The following ITGAE variants were observed in gnomAD, a reference collection of about 807,000 sequenced individuals.
ITGAE encodes integrin alpha-E.
Under a neutral mutation model 136.5 loss-of-function variants are expected in ITGAE, and 99 were observed. That is an observed-to-expected ratio of 0.73 (90% CI 0.62 to 0.86). The LOEUF (loss-of-function observed/expected upper bound fraction) is 0.86. Ranked by LOEUF, ITGAE falls within the 40% of genes least tolerant of loss-of-function variation. ITGAE has a pLI of 0.00. For synonymous variants in ITGAE, 613 were observed against 591.8 expected (o/e 1.04, Z -0.52); for missense variants, 1,447 against 1,515.3 (o/e 0.95, Z 0.75).
chr17:3,773,282 G>C (rs991874341), intron 2 of ITGAE, among the ~76,000 whole-genome samples: 3 of 152,030 alleles, frequency 2.0e-5, no homozygotes, highest in Admixed American at 1.3e-4. Flanking sequence ...ACGAGGTCAG[G>C]AGTTCGAGAC....
rs770608051 is a variant in ITGAE, at chr17:3,761,087, C to T, written c.524G>A (p.Arg175Lys). The T allele has an allele frequency of 2.5e-6, 4 of 1,612,200 alleles. No homozygotes were observed. In the African/African-American group the frequency reaches 4.0e-5, roughly 16 times the overall value. The change falls in exon 6 of 31, where the codon AGG becomes AAG. Residue 175 changes from arginine (R) to lysine (K), a missense_variant. Physicochemically the swap from Arg to Lys is conservative, Grantham distance 26. Around this residue, in one of 3 missense-constraint regions of ITGAE, gnomAD observed 310 missense variants for 416.1 expected, o/e 0.74. Coordinates refer to ENST00000263087, the MANE Select transcript of ITGAE (RefSeq NM_002208.5). ...CTCCTTCTCCAGAGCCCGGCGCTGCCTGGCTGTGTTCACATCGTCTTCTCC... is the reference window on the plus strand; with the variant it reads ...CTCCTTCTCCAGAGCCCGGCGCTGCTTGGCTGTGTTCACATCGTCTTCTCC... ...GGGEDDVNTA[R>K]QRRALEKEEE...
At chr17:3,788,728 AAAT>A (rs1476582411) in intron 1 of ITGAE, among the ~76,000 whole-genome samples, 4 of 146,398 alleles carry the variant, frequency 2.7e-5, no homozygotes, top group Admixed American at 6.8e-5. Flanking sequence ...AATTATTTAA[AAAT>A]AATAATTATT....
At chr17:3,772,191 C>G (rs867346845) in intron 2 of ITGAE, among the ~76,000 whole-genome samples, 1 of 152,166 alleles carries the variant, frequency 6.6e-6, no homozygotes, top group Non-Finnish European at 1.5e-5. Flanking sequence ...CTAGTAGACG[C>G]TGATGAACAC....
At chr17:3,777,711 T>C in intron 1 of ITGAE, 51 bp from the exon 2 acceptor site, 1 of 1,558,294 alleles carries the variant, frequency 6.4e-7, no homozygotes, top group Middle Eastern at 1.7e-4. Context: ...ACTCCCGTTA[T>C]TCCAGCAAAT....
rs1054383539 is a variant in ITGAE, at chr17:3,798,472, C to T, written c.34+2639G>A. Among the ~76,000 whole-genome samples, 3 of 152,098 alleles carry T rather than the reference C, an allele frequency of 2.0e-5. No homozygotes were observed. Among genetic ancestry groups the T allele is most frequent in the South Asian group, 2.1e-4 (1 of 4,830 alleles). On this transcript the variant is annotated intron_variant, in intron 1 of 30. Coordinates refer to ENST00000263087, the MANE Select transcript of ITGAE (RefSeq NM_002208.5). The surrounding 1 kb of genome is among the most constrained non-coding windows in gnomAD (Gnocchi z 4.3). The stretch of plus-strand genomic sequence containing the variant: ...ACCCCAGGGCTTGGTCCCTCCTATC[C>T]CCCCTGCACAGAAGGCCCCTCTGCT...
intron 9 of ITGAE, 91 bp from the exon 10 acceptor site, chr17:3,757,225 C>A: frequency 7.1e-7 from 1 of 1,403,416 alleles, no homozygotes; most frequent in Non-Finnish European, 9.8e-7. Flanking sequence ...GCCTCTGGGG[C>A]CCTCCATTAC....
intron 2 of ITGAE, among the ~76,000 whole-genome samples, chr17:3,776,858 C>G (rs1308044806): frequency 6.6e-6 from 1 of 152,054 alleles, no homozygotes; most frequent in East Asian, 1.9e-4. Flanking sequence ...GGTGCCAGGC[C>G]CAGTTTTTTC....
chr17:3,761,338 CT>C, intron 5 of ITGAE, 64 bp downstream of exon 5: 1 of 1,548,434 alleles, frequency 6.5e-7, no homozygotes. Context: ...GAGCTGGTGC[CT>C]TTTCTTGGAG....
At chr17:3,791,473 G>A (rs1338657973) in intron 1 of ITGAE, among the ~76,000 whole-genome samples, 1 of 152,022 alleles carries the variant, frequency 6.6e-6, no homozygotes, top group Non-Finnish European at 1.5e-5. Flanking sequence ...AGTAGAGATG[G>A]GGTTTCGCCA....
intron 16 of ITGAE, among the ~76,000 whole-genome samples, chr17:3,749,099 A>ATG (rs1424252137): frequency 6.6e-6 from 1 of 151,798 alleles, no homozygotes; most frequent in Non-Finnish European, 1.5e-5. Context: ...AGACTTGTTG[A>ATG]TGTGGTGGAG....
rs2051426189 is a variant in ITGAE at position 3,734,829 on chromosome 17, C to T, written c.2643G>A (p.Lys881=). 6.2e-7 allele frequency: 1 copy of T among 1,614,052 alleles called. No homozygotes were observed. The highest frequency in any genetic ancestry group is 8.5e-7 in the Non-Finnish European group (1 of 1,180,036). The part of the protein sequence containing the change: ...ALNYPRNLQL[K]RMQKPPSPNI... The stretch of plus-strand genomic sequence containing the variant: ...CCGTCACAGTCACCTTTTGCATCCT[C>T]TTCAACTGCAGGTTTCTGGGGTAAT... Residue 881 remains lysine (K), a synonymous_variant, in exon 21 of 31, where the codon AAG becomes AAA. Transcript: ENST00000263087.
chr17:3,745,898 G>A lies in ITGAE; in HGVS notation c.2185C>T (p.Leu729=), dbSNP rs150218612. Residue 729 remains leucine (L), a synonymous_variant, in exon 18 of 31, where the codon CTG becomes TTG. Transcript: ENST00000263087. ...GLREALLNFT[L]DVDVGKQRRR... ...CTCTGCTTCCCCACATCCACATCCA[G>A]CGTGAAGTTGAGAAGTGCCTCGCGG... 3.1e-6 allele frequency: 5 copies of A among 1,613,928 alleles called. No homozygotes were observed. In the African/African-American group the frequency reaches 6.7e-5, roughly 22 times the overall value.
intron 30 of ITGAE, among the ~76,000 whole-genome samples, chr17:3,715,620 AGAT>A (rs755350120): frequency 6.6e-6 from 1 of 152,204 alleles, no homozygotes. Context: ...CGGGAGGCCA[AGAT>A]GAGAAGATGG....
chr17:3,754,414 G>T (rs941085217), intron 12 of ITGAE, among the ~76,000 whole-genome samples: 1 of 152,166 alleles, frequency 6.6e-6, no homozygotes, highest in South Asian at 2.1e-4. Flanking sequence ...TGGGACTACA[G>T]GCATCCGCCA....
At chr17:3,735,638 T>C (rs543010070) in intron 20 of ITGAE, among the ~76,000 whole-genome samples, 121 of 152,300 alleles carry the variant, frequency 7.9e-4, no homozygotes, top group African/African-American at 2.7e-3. Context: ...AGTAACTTCT[T>C]AGATAAGTTG....
At position 3,729,518 on chromosome 17, in the gene ITGAE, T is replaced by C. The variant is rs2051293208; in HGVS notation, c.2872A>G (p.Thr958Ala). The C allele has an allele frequency of 6.2e-7, 1 of 1,612,132 alleles. No homozygotes were observed. Among genetic ancestry groups the C allele is most frequent in the East Asian group, 2.2e-5 (1 of 44,872 alleles). Reference sequence around the variant, plus strand: ...ACGAAGCCATGCCTGAATTGAAGGGTGTGGGTCTCGTTGGCCAAAGACCGT... The same window carrying C: ...ACGAAGCCATGCCTGAATTGAAGGGCGTGGGTCTCGTTGGCCAAAGACCGT... ...ERRSLANETH[T>A]LQFRHGFVAV... The change falls in exon 24 of 31, where the codon ACC (threonine) becomes GCC (alanine). Residue 958 changes from threonine (T) to alanine (A), a missense_variant. Coordinates refer to ENST00000263087, the MANE Select transcript of ITGAE (RefSeq NM_002208.5).
chr17:3,715,107 C>A (rs985462685), intron 30 of ITGAE, among the ~76,000 whole-genome samples, 165 bp from the exon 31 acceptor site: 1 of 152,198 alleles, frequency 6.6e-6, no homozygotes, highest in African/African-American at 2.4e-5. Flanking sequence ...AGAGTCCAAT[C>A]CTTCAAGACC....
Position 3,755,189 on chromosome 17 carries a change from G to A in ITGAE, c.1312C>T (p.Arg438Cys). 6.4e-7 allele frequency: 1 copy of A among 1,572,052 alleles called. No homozygotes were observed. The highest frequency in any genetic ancestry group is 8.6e-7 in the Non-Finnish European group (1 of 1,163,928). Residue 438 changes from arginine (R) to cysteine (C), a missense_variant, in exon 12 of 31, where the codon CGC (arginine) becomes TGC (cysteine). Around this residue, in one of 3 missense-constraint regions of ITGAE, gnomAD observed 1,031 missense variants for 1,011.4 expected, o/e 1.02. Coordinates refer to ENST00000263087, the MANE Select transcript of ITGAE (RefSeq NM_002208.5). The part of the protein sequence containing the change: ...GGALLYDTRS[R>C]RGRFLNQTAA... ...GTCTGGTTCAGGAAGCGGCCCCGGC[G>A]GCTGCGTGTGTCGTAGAGCAACGCC...
At chr17:3,778,070 G>A (rs73318144) in intron 1 of ITGAE, among the ~76,000 whole-genome samples, 8,266 of 152,036 alleles carry the variant, frequency 0.054, 271 homozygotes, top group African/African-American at 0.082. Context: ...AGCGACCCAC[G>A]AGAAAACGTA....
Sources: allele counts gnomAD v4.1 joint callset (sites outside exome capture counted in the v4.1 genomes callset), GRCh38; gene constraint gnomAD v4.1.1; regional missense constraint gnomAD v4.1.1; non-coding constraint Gnocchi (gnomAD v3.1); transcripts MANE v1.5; gene names NCBI Gene and HGNC (gene_info 2026-07-23, HGNC 2026-07-21).